The following MAN2A1 variants were observed in gnomAD, a reference collection of about 807,000 sequenced individuals.
The protein encoded by MAN2A1 is alpha-mannosidase 2.
A neutral mutation model predicts 142.6 loss-of-function variants in MAN2A1; 76 were observed. The ratio of observed to expected loss-of-function variants is 0.53; its 90% CI spans 0.44 to 0.65. MAN2A1 has a LOEUF of 0.65. MAN2A1 is among the 30% of genes least tolerant of loss of function. The pLI is 0.00. For synonymous variants in MAN2A1, 559 were observed against 473.2 expected (o/e 1.18, Z -2.35); for missense variants, 1,311 against 1,365.1 (o/e 0.96, Z 0.62).
chr5:109,820,165 A>T, intron 14 of MAN2A1, 55 bp from the exon 15 acceptor site: 2 of 1,457,656 alleles, frequency 1.4e-6, no homozygotes, highest in African/African-American at 2.8e-5. Flanking sequence ...ACCAGATGCA[A>T]CATGCTTAAC....
At chr5:109,755,538 G>A (rs1300049675) in intron 5 of MAN2A1, 82 bp downstream of exon 5, 3 of 1,065,226 alleles carry the variant, frequency 2.8e-6, no homozygotes, top group South Asian at 1.6e-5. Flanking sequence ...TTCTTTTTTC[G>A]AGTAACTATT....
At chr5:109,695,798 T>G (rs924821954) in intron 1 of MAN2A1, among the ~76,000 whole-genome samples, 1 of 152,224 alleles carries the variant, frequency 6.6e-6, no homozygotes, top group Non-Finnish European at 1.5e-5. Context: ...AGTAGGTTAA[T>G]CAGGAGAGGA....
Position 109,761,343 on chromosome 5 carries a change from CATATT to C in MAN2A1, c.835+5892_835+5896del, listed in dbSNP as rs201142297. ...TGTTTAGCTGTTCTGTATTAAGTAT[CATATT>C]ATATAGTATTTTTATGGTAGGTGCT... On this transcript the variant is annotated intron_variant, in intron 5 of 21. Transcript: ENST00000261483. Among the ~76,000 whole-genome samples the C allele has an allele frequency of 6.3e-3, 953 of 151,700 alleles. 11 individuals are homozygous for C. The highest frequency in any genetic ancestry group is 0.022 in the African/African-American group (903 of 41,396).
At chr5:109,737,199 T>A (rs1388076802) in intron 4 of MAN2A1, among the ~76,000 whole-genome samples, 1 of 151,014 alleles carries the variant, frequency 6.6e-6, no homozygotes, top group Non-Finnish European at 1.5e-5. Flanking sequence ...TTCAAGCGGT[T>A]CTCCTCCTTC....
At chr5:109,849,233 C>T (rs1460418551) in intron 19 of MAN2A1, among the ~76,000 whole-genome samples, 1 of 152,180 alleles carries the variant, frequency 6.6e-6, no homozygotes, top group Non-Finnish European at 1.5e-5. Flanking sequence ...GCAATCTCTT[C>T]TACTCCTCTG....
intron 15 of MAN2A1, among the ~76,000 whole-genome samples, chr5:109,822,083 T>A (rs1408107416): frequency 6.6e-6 from 1 of 151,794 alleles, no homozygotes; most frequent in Non-Finnish European, 1.5e-5. Flanking sequence ...AATACTGGAT[T>A]TTAAGGGATT....
At chr5:109,816,095 A>G (rs1240285013) in intron 12 of MAN2A1, among the ~76,000 whole-genome samples, 1 of 152,234 alleles carries the variant, frequency 6.6e-6, no homozygotes, top group Admixed American at 6.5e-5. Flanking sequence ...AGGCAAAGCC[A>G]TGAAAGAATG....
intron 13 of MAN2A1, among the ~76,000 whole-genome samples, chr5:109,819,345 A>C (rs1203986930): frequency 6.6e-6 from 1 of 152,180 alleles, no homozygotes; most frequent in Non-Finnish European, 1.5e-5. Context: ...GAGCATCTGC[A>C]TTTGCATATA....
intron 5 of MAN2A1, among the ~76,000 whole-genome samples, chr5:109,765,080 G>A (rs1043925682): frequency 2.6e-5 from 4 of 152,124 alleles, no homozygotes; most frequent in African/African-American, 7.2e-5. Context: ...AATGTTAACA[G>A]TGATACAGTA....
intron 12 of MAN2A1, 135 bp from the exon 13 acceptor site, chr5:109,817,138 C>A: frequency 1.2e-6 from 1 of 807,100 alleles, no homozygotes; most frequent in Non-Finnish European, 1.9e-6. Context: ...TGCACTCCAG[C>A]CTGGGTGACA....
At chr5:109,708,415 G>C (rs1751199763) in intron 1 of MAN2A1, among the ~76,000 whole-genome samples, 1 of 151,548 alleles carries the variant, frequency 6.6e-6, no homozygotes, top group African/African-American at 2.4e-5. Context: ...AGAAACTTTT[G>C]ATAATCCCGG....
At chr5:109,785,103 G>C (rs1053799948) in intron 10 of MAN2A1, among the ~76,000 whole-genome samples, 177 bp downstream of exon 10, 2 of 152,142 alleles carry the variant, frequency 1.3e-5, no homozygotes, top group Non-Finnish European at 2.9e-5. Context: ...TCTGTTGACA[G>C]AGTCCCAGCT....
At chr5:109,775,213 G>A (rs1753251077) in intron 8 of MAN2A1, among the ~76,000 whole-genome samples, 1 of 152,074 alleles carries the variant, frequency 6.6e-6, no homozygotes. Flanking sequence ...TTGAAAATAT[G>A]TACCTACCAA....
intron 16 of MAN2A1, among the ~76,000 whole-genome samples, chr5:109,837,897 T>C (rs1157923766): frequency 1.3e-5 from 2 of 152,172 alleles, no homozygotes; most frequent in Admixed American, 1.3e-4. Flanking sequence ...CCATGTCAGC[T>C]AACTTCTGCA....
chr5:109,851,556 G>T (rs949447703), intron 19 of MAN2A1, among the ~76,000 whole-genome samples: 3 of 152,156 alleles, frequency 2.0e-5, no homozygotes, highest in African/African-American at 7.2e-5. Flanking sequence ...GCAGCAAGAA[G>T]GCCCTCACCA....
intron 12 of MAN2A1, among the ~76,000 whole-genome samples, chr5:109,811,573 C>CGT (rs70999943): frequency 0.072 from 10,459 of 144,892 alleles, 351 homozygotes; most frequent in Middle Eastern, 0.12. Flanking sequence ...TCCTAACAGC[C>CGT]GTGTGTGTGT....
At chr5:109,701,640 C>T (rs1480208374) in intron 1 of MAN2A1, among the ~76,000 whole-genome samples, 6 of 152,110 alleles carry the variant, frequency 3.9e-5, no homozygotes, top group African/African-American at 1.4e-4. Context: ...AGGAAGGCAG[C>T]TGAGAATCTG....
At chr5:109,840,502 A>G in intron 16 of MAN2A1, 1 of 495,360 alleles carries the variant, frequency 2.0e-6, no homozygotes, top group Non-Finnish European at 4.0e-6. Context: ...TTGGTGGAAT[A>G]CCATCTCCTG....
intron 17 of MAN2A1, among the ~76,000 whole-genome samples, chr5:109,844,661 A>C (rs761320143): frequency 1.2e-4 from 19 of 152,204 alleles, no homozygotes; most frequent in Non-Finnish European, 2.4e-4. Flanking sequence ...ATAGGGAAAT[A>C]ACCTTCCTTG....
Sources: gnomAD v4.1 joint callset for allele counts (sites outside exome capture counted in the v4.1 genomes callset) on GRCh38, gnomAD v4.1.1 for gene constraint, MANE v1.5 for transcripts, NCBI Gene and HGNC (gene_info 2026-07-23, HGNC 2026-07-21) for gene names.